NMT1: variants seen among roughly 807,000 people sequenced by gnomAD.
The protein encoded by NMT1 is glycylpeptide N-tetradecanoyltransferase 1.
Under a neutral mutation model 63.4 loss-of-function variants are expected in NMT1, and 12 were observed. The ratio of observed to expected loss-of-function variants is 0.19; its 90% confidence interval spans 0.12 to 0.31. The LOEUF (loss-of-function observed/expected upper bound fraction) is 0.31, where lower values mean the gene tolerates loss of function less well. NMT1 is among the 10% of genes least tolerant of loss of function. The probability of loss-of-function intolerance (pLI) is 1.00; values close to 1 mark genes in which losing one functional copy is unlikely to be tolerated. For synonymous variants in NMT1, 228 were observed against 234.3 expected (o/e 0.97, Z 0.25); for missense variants, 432 against 634.6 (o/e 0.68, Z 3.43).
chr17:45,067,790 A>G (rs993305943), intron 1 of NMT1, among the ~76,000 whole-genome samples: 1 of 152,236 alleles, frequency 6.6e-6, no homozygotes, highest in Non-Finnish European at 1.5e-5. Context: ...GCAATTAAAA[A>G]GAAACTAATC....
At chr17:45,068,327 C>T (rs898981819) in intron 1 of NMT1, among the ~76,000 whole-genome samples, 8 of 152,150 alleles carry the variant, frequency 5.3e-5, no homozygotes, top group African/African-American at 1.9e-4. Flanking sequence ...CAAAAATTAG[C>T]TGGGCGTGGT....
intron 1 of NMT1, among the ~76,000 whole-genome samples, chr17:45,070,297 C>A (rs1426804690): frequency 6.6e-6 from 1 of 152,080 alleles, no homozygotes; most frequent in African/African-American, 2.4e-5. Flanking sequence ...CTCACCCAGG[C>A]TGGAGTGCAG....
In NMT1 at chr17:45,104,847, G is replaced by A; in HGVS notation, c.1333-12G>A. On this transcript the variant is annotated splice_polypyrimidine_tract_variant and intron_variant, in intron 10 of 11. Transcript: ENST00000258960. This position sits in a 1 kb window ranked among gnomAD's most constrained non-coding sequence, Gnocchi z 4.2. ...TCCTCACCTGTTCTTGTTTGTCCCTGCTGCTTTGCAGAAAGGGTTTGATGT... is the reference window on the plus strand; with the variant it reads ...TCCTCACCTGTTCTTGTTTGTCCCTACTGCTTTGCAGAAAGGGTTTGATGT... 6.2e-7 allele frequency: 1 copy of A among 1,614,156 alleles called. No homozygotes were observed. Among genetic ancestry groups the A allele is most frequent in the Non-Finnish European group, 8.5e-7 (1 of 1,179,988 alleles).
intron 1 of NMT1, among the ~76,000 whole-genome samples, chr17:45,079,845 G>A (rs775251399): frequency 1.3e-5 from 2 of 152,006 alleles, no homozygotes; most frequent in African/African-American, 2.4e-5. Context: ...GACTATAGGC[G>A]CCTGCCACCA....
chr17:45,102,595 C>A (rs1344233526), intron 8 of NMT1, among the ~76,000 whole-genome samples: 1 of 152,170 alleles, frequency 6.6e-6, no homozygotes, highest in Non-Finnish European at 1.5e-5. Flanking sequence ...TGTTGGGCTG[C>A]GTGGGCAGAA....
intron 1 of NMT1, among the ~76,000 whole-genome samples, chr17:45,068,800 C>T (rs563772078): frequency 1.3e-5 from 2 of 152,156 alleles, no homozygotes; most frequent in East Asian, 3.9e-4. Flanking sequence ...GTGTGCACCA[C>T]CATTCCCGGC....
intron 1 of NMT1, among the ~76,000 whole-genome samples, chr17:45,067,049 T>TG (rs2053907606): frequency 6.6e-6 from 1 of 152,140 alleles, no homozygotes; most frequent in Admixed American, 6.6e-5. Flanking sequence ...CTGCACTCAA[T>TG]TTCCCCCAGT....
At chr17:45,097,011 C>A in intron 5 of NMT1, 117 bp from the exon 6 acceptor site, 1 of 736,572 alleles carries the variant, frequency 1.4e-6, no homozygotes. Flanking sequence ...GAGAATCCAG[C>A]TATTAACCCT....
intron 1 of NMT1, among the ~76,000 whole-genome samples, chr17:45,065,992 A>G (rs1186791097): frequency 2.0e-5 from 3 of 151,778 alleles, no homozygotes; most frequent in African/African-American, 4.8e-5. Flanking sequence ...GATTGTAAGC[A>G]TGAGCCACCA....
In NMT1 at chr17:45,105,084, C is replaced by A; in HGVS notation, c.1470+88C>A. 1.3e-6 allele frequency: 2 copies of A among 1,542,216 alleles called. No individual in the cohort carries two copies. Among genetic ancestry groups the A allele is most frequent in the Non-Finnish European group, 1.8e-6 (2 of 1,126,674 alleles). On this transcript the variant is annotated intron_variant, in intron 11 of 11. Coordinates refer to ENST00000258960, the MANE Select transcript of NMT1 (RefSeq NM_021079.5). This position sits in a 1 kb window ranked among gnomAD's most constrained non-coding sequence, Gnocchi z 4.2. ...ACCGGGCCATGGGTTGAGGAGACAG[C>A]CGCAGTCTGGGTCCTTGTTACCTCG...
At chr17:45,076,602 T>C (rs2143470441) in intron 1 of NMT1, among the ~76,000 whole-genome samples, 1 of 152,036 alleles carries the variant, frequency 6.6e-6, no homozygotes, top group African/African-American at 2.4e-5. Flanking sequence ...ATACAAAAAT[T>C]AGCTGGGTGT....
rs769815313 is a variant in NMT1, at chr17:45,103,049, C to G, written c.1092C>G (p.Pro364=). The change falls in exon 9 of 12, where the codon CCC becomes CCG. Residue 364 remains proline, a synonymous_variant. Coordinates refer to ENST00000258960, the MANE Select transcript of NMT1 (RefSeq NM_021079.5). This position sits in a 1 kb window ranked among gnomAD's most constrained non-coding sequence, Gnocchi z 4.8. ...ACTTGAAGCAATTTCACCTTACGCC[C>G]GTCATGAGCCAGGAGGAGGTGGAGC... ...TRYLKQFHLT[P]VMSQEEVEHW... 9.3e-6 allele frequency: 15 copies of G among 1,613,872 alleles called. No homozygotes were observed. Among genetic ancestry groups the G allele is most frequent in the Non-Finnish European group, 1.3e-5 (15 of 1,179,944 alleles).
At chr17:45,063,147 G>GT (rs1394966096) in intron 1 of NMT1, among the ~76,000 whole-genome samples, 1 of 142,750 alleles carries the variant, frequency 7.0e-6, no homozygotes, top group East Asian at 2.1e-4. Flanking sequence ...AGAGCTTGCA[G>GT]TGAGCTGAGA....
At chr17:45,069,116 G>A (rs150953923) in intron 1 of NMT1, among the ~76,000 whole-genome samples, 22 of 151,110 alleles carry the variant, frequency 1.5e-4, no homozygotes, top group African/African-American at 4.6e-4. Flanking sequence ...GCCTGCCACT[G>A]TGCCTAACTA....
At chr17:45,081,506 G>T (rs2054017026) in intron 1 of NMT1, 138 bp from the exon 2 acceptor site, 1 of 740,730 alleles carries the variant, frequency 1.4e-6, no homozygotes, top group Admixed American at 2.4e-5. Context: ...GCCCTTTCTG[G>T]ACCTGGGTTC....
In NMT1 at chr17:45,099,525, C is replaced by T. The variant is rs2054147653; in HGVS notation, c.993+12C>T. 1 of 1,594,386 alleles carries T rather than the reference C, an allele frequency of 6.3e-7. No homozygotes were observed. The highest frequency in any genetic ancestry group is 1.7e-4 in the Middle Eastern group (1 of 6,026). ...ACCGACTGCCAGAGGCCAGTGCTGC[C>T]CCGGGTGGTGGGCAGGGGGCAGAGA... On this transcript the variant is annotated intron_variant, in intron 8 of 11. Transcript: ENST00000258960.
chr17:45,103,068 GTGGAGCAC>G lies in NMT1; in HGVS notation c.1115_1122del (p.Glu372ValfsTer74). The G allele has an allele frequency of 6.2e-7, 1 of 1,614,028 alleles. No individual in the cohort carries two copies. Among genetic ancestry groups the G allele is most frequent in the Non-Finnish European group, 8.5e-7 (1 of 1,179,910 alleles). On this transcript the variant is annotated frameshift_variant, in exon 9 of 12. Coordinates refer to ENST00000258960, the MANE Select transcript of NMT1 (RefSeq NM_021079.5). LOFTEE classifies it high-confidence loss of function. The surrounding 1 kb of genome is among the most constrained non-coding windows in gnomAD (Gnocchi z 4.8). Reference sequence around the variant, plus strand: ...TACGCCCGTCATGAGCCAGGAGGAGGTGGAGCACTGGTTCTACCCCCAGGAGAATATCA... The same window carrying G: ...TACGCCCGTCATGAGCCAGGAGGAGGTGGTTCTACCCCCAGGAGAATATCA...
At chr17:45,087,318 A>G (rs2054061507) in intron 3 of NMT1, among the ~76,000 whole-genome samples, 1 of 152,218 alleles carries the variant, frequency 6.6e-6, no homozygotes, top group African/African-American at 2.4e-5. Context: ...GGAATGGGCA[A>G]AGTCCCCAGC....
At chr17:45,086,798 TA>T in intron 3 of NMT1, 146 bp downstream of exon 3, 1 of 749,144 alleles carries the variant, frequency 1.3e-6, no homozygotes, top group South Asian at 2.1e-5. Context: ...GGGTGGTTTT[TA>T]AAAATGCAGC....
Sources: allele counts gnomAD v4.1 joint callset (sites outside exome capture counted in the v4.1 genomes callset), GRCh38; gene constraint gnomAD v4.1.1; non-coding constraint Gnocchi (gnomAD v3.1); transcripts MANE v1.5; gene names NCBI Gene and HGNC (gene_info 2026-07-23, HGNC 2026-07-21).